TTC28: variants seen among roughly 807,000 people sequenced by gnomAD.
The protein encoded by TTC28 is tetratricopeptide repeat protein 28.
In TTC28, 61 loss-of-function variants were observed where a neutral mutation model predicts 198.0. The observed-to-expected ratio is 0.31, with a 90% confidence interval of 0.25 to 0.38. The LOEUF (loss-of-function observed/expected upper bound fraction) is 0.38, where lower values mean the gene tolerates loss of function less well. Among genes scored for constraint, TTC28 ranks in the 10% least tolerant of loss-of-function variants. TTC28 has a pLI of 1.00. For synonymous variants in TTC28, 1,171 were observed against 1,297.8 expected (o/e 0.90, Z 2.10); for missense variants, 2,678 against 3,164.0 (o/e 0.85, Z 3.69).
At chr22:28,008,557 A>G (rs1340636690) in intron 14 of TTC28, 1 of 152,214 alleles carries the variant, frequency 6.6e-6, no homozygotes, top group African/African-American at 2.4e-5. Flanking sequence ...GGAAACAGGG[A>G]ATTTAAATAA....
chr22:28,323,518 C>G (rs1420648047), intron 2 of TTC28, among the ~76,000 whole-genome samples: 1 of 152,004 alleles, frequency 6.6e-6, no homozygotes, highest in African/African-American at 2.4e-5. Flanking sequence ...CAGAATTGAT[C>G]AAGTAGAGGA....
At chr22:28,672,026 T>C (rs952781439) in intron 1 of TTC28, among the ~76,000 whole-genome samples, 1 of 151,382 alleles carries the variant, frequency 6.6e-6, no homozygotes, top group Non-Finnish European at 1.5e-5. Flanking sequence ...CATTTAAAAC[T>C]AAAACACTTT....
At chr22:28,557,723 G>A (rs1165703360) in intron 2 of TTC28, among the ~76,000 whole-genome samples, 3 of 152,152 alleles carry the variant, frequency 2.0e-5, no homozygotes, top group African/African-American at 7.2e-5. Context: ...CTTGGATTGT[G>A]ACTTCAAATC....
chr22:28,211,648 T>C (rs1205408117), intron 5 of TTC28, among the ~76,000 whole-genome samples: 1 of 152,078 alleles, frequency 6.6e-6, no homozygotes, highest in African/African-American at 2.4e-5. Flanking sequence ...CTTAGAGACC[T>C]ACAAAGAGAC....
At chr22:28,420,124 G>A (rs1203520221) in intron 2 of TTC28, among the ~76,000 whole-genome samples, 1 of 152,152 alleles carries the variant, frequency 6.6e-6, no homozygotes, top group Non-Finnish European at 1.5e-5. Flanking sequence ...CTGATTGACA[G>A]AACTAATAGA....
At chr22:28,373,133 T>A (rs934540101) in intron 2 of TTC28, among the ~76,000 whole-genome samples, 1 of 152,176 alleles carries the variant, frequency 6.6e-6, no homozygotes, top group Non-Finnish European at 1.5e-5. Context: ...ACATTATTCA[T>A]TGGATCCTTT....
rs373188049 is a variant in TTC28 at position 28,197,026 on chromosome 22, G to A, written c.934-33427C>T. Among the ~76,000 whole-genome samples the A allele has an allele frequency of 2.3e-3, 356 of 152,110 alleles. 10 individuals carry two copies. The East Asian group carries it at 0.058, about 25-fold the overall frequency. On this transcript the variant is annotated intron_variant, in intron 5 of 22. Coordinates refer to ENST00000397906, the MANE Select transcript of TTC28 (RefSeq NM_001145418.2). ...GCAAAGACTTGGAACCAACCCAAAT[G>A]TCCAACAATGATAGACTGGATTAAG...
At chr22:28,444,822 C>A (rs1462001041) in intron 2 of TTC28, among the ~76,000 whole-genome samples, 1 of 152,174 alleles carries the variant, frequency 6.6e-6, no homozygotes, top group Non-Finnish European at 1.5e-5. Context: ...TATTTCACTG[C>A]CAGTCCCTGT....
intron 2 of TTC28, among the ~76,000 whole-genome samples, chr22:28,418,399 G>A (rs2047197277): frequency 6.6e-6 from 1 of 152,188 alleles, no homozygotes; most frequent in East Asian, 1.9e-4. Flanking sequence ...AGAATCTCTA[G>A]AAATTAGATT....
intron 2 of TTC28, among the ~76,000 whole-genome samples, chr22:28,487,333 C>T (rs926815591): frequency 6.6e-6 from 1 of 151,388 alleles, no homozygotes; most frequent in Admixed American, 6.6e-5. Context: ...GGAAATCTTG[C>T]CACCCAGAGA....
At chr22:28,203,696 C>A (rs77567383) in intron 5 of TTC28, among the ~76,000 whole-genome samples, 1 of 152,080 alleles carries the variant, frequency 6.6e-6, no homozygotes. Context: ...TCTCCACCCC[C>A]AACCACTCCC....
At position 28,192,835 on chromosome 22, in the gene TTC28, T is replaced by C. The variant is rs190810491; in HGVS notation, c.934-29236A>G. 3.3e-5 allele frequency among the ~76,000 whole-genome samples: 5 copies of C among 152,292 alleles called. No individual in the cohort carries two copies. The East Asian group carries it at 9.6e-4, about 29-fold the overall frequency. ...TCTGATTGGTGTACCTGAAAGTGAC[T>C]GAGAGAATGCAAACAAGTTGGAAAC... On this transcript the variant is annotated intron_variant, in intron 5 of 22. Transcript: ENST00000397906.
intron 6 of TTC28, among the ~76,000 whole-genome samples, chr22:28,151,314 A>G (rs922288091): frequency 2.6e-5 from 4 of 152,238 alleles, no homozygotes; most frequent in Admixed American, 2.0e-4. Flanking sequence ...GCTGAAAAAC[A>G]TAAGCTAATT....
At position 28,032,312 on chromosome 22, in the gene TTC28, A is replaced by G. The variant is rs1489017812; in HGVS notation, c.3933-1946T>C. 2.8e-5 allele frequency among the ~76,000 whole-genome samples: 4 copies of G among 142,876 alleles called. No individual in the cohort carries two copies. In the East Asian group the frequency reaches 8.0e-4, roughly 29 times the overall value. The allele number at this position is 142,876 out of a possible 152,430, so 93.7% of individuals were successfully genotyped here. ...TGTGTGTGTATATGTGTGTGTTTGT[A>G]TATATATATCTCTTTTATTGGTTCT... On this transcript the variant is annotated intron_variant, in intron 12 of 22. Coordinates refer to ENST00000397906, the MANE Select transcript of TTC28 (RefSeq NM_001145418.2).
intron 2 of TTC28, among the ~76,000 whole-genome samples, chr22:28,474,226 G>GT (rs1420023985): frequency 6.6e-6 from 1 of 152,190 alleles, no homozygotes; most frequent in African/African-American, 2.4e-5. Context: ...TGAACAAGTG[G>GT]TAACTGACTT....
chr22:28,035,414 T>G (rs1569097316), intron 12 of TTC28, among the ~76,000 whole-genome samples: 1 of 152,208 alleles, frequency 6.6e-6, no homozygotes, highest in Non-Finnish European at 1.5e-5. Flanking sequence ...TTGGTAAAAC[T>G]TCAGAAAGCA....
chr22:28,161,130 A>C lies in TTC28; in HGVS notation c.1441+1962T>G, dbSNP rs180834530. Among the ~76,000 whole-genome samples, 138 of 152,364 alleles carry C rather than the reference A, an allele frequency of 9.1e-4. 1 individual carries two copies. Among genetic ancestry groups the C allele is most frequent in the African/African-American group, 3.1e-3 (131 of 41,588 alleles). ...AAAGAGAAATCACAAATCAACTCAG[A>C]AGATTTTAAAAACCCAATAAAAGTG... is the stretch of plus-strand genomic sequence containing the variant. On this transcript the variant is annotated intron_variant, in intron 6 of 22. Coordinates refer to ENST00000397906, the MANE Select transcript of TTC28 (RefSeq NM_001145418.2).
chr22:28,621,482 A>G (rs553185426), intron 2 of TTC28, among the ~76,000 whole-genome samples: 167 of 152,186 alleles, frequency 1.1e-3, no homozygotes, highest in African/African-American at 3.8e-3. Flanking sequence ...CAGGAGGCCA[A>G]GGCAGAAGAA....
At chr22:28,169,076 T>G (rs534009234) in intron 5 of TTC28, among the ~76,000 whole-genome samples, 61 of 152,306 alleles carry the variant, frequency 4.0e-4, no homozygotes, top group African/African-American at 1.4e-3. Flanking sequence ...GAAAAAATGC[T>G]CATCATTACT....
Sources: gnomAD v4.1 joint callset for allele counts (sites outside exome capture counted in the v4.1 genomes callset) on GRCh38, gnomAD v4.1.1 for gene constraint, MANE v1.5 for transcripts, NCBI Gene and HGNC (gene_info 2026-07-23, HGNC 2026-07-21) for gene names.